Variants in MEMO1 observed in about 807,000 individuals in gnomAD.
The protein encoded by MEMO1 is mediator of cell motility 1.
In MEMO1, 6 loss-of-function variants were observed where a neutral mutation model predicts 45.2. The ratio of observed to expected loss-of-function variants is 0.13; its 90% CI spans 0.07 to 0.26. The LOEUF (loss-of-function observed/expected upper bound fraction) is 0.26, where lower values mean the gene tolerates loss of function less well. Ranked by LOEUF, MEMO1 falls within the 10% of genes least tolerant of loss-of-function variation. The pLI, the probability that MEMO1 is intolerant of heterozygous loss-of-function variation, is 1.00. For synonymous variants in MEMO1, 78 were observed against 124.3 expected (o/e 0.63, Z 2.48); for missense variants, 184 against 370.5 (o/e 0.50, Z 4.13).
chr2:31,873,399 A>G (rs1422352716), intron 8 of MEMO1, among the ~76,000 whole-genome samples: 1 of 152,146 alleles, frequency 6.6e-6, no homozygotes, highest in Non-Finnish European at 1.5e-5. Context: ...GAGCCAGTCT[A>G]TCATTGTGTT....
intron 6 of MEMO1, chr2:31,893,393 A>G: frequency 9.3e-7 from 1 of 1,069,966 alleles, no homozygotes; most frequent in Non-Finnish European, 1.2e-6. Context: ...AACTGTTACC[A>G]GTTTGCTAAA....
At chr2:31,978,231 A>G (rs556532841) in intron 2 of MEMO1, among the ~76,000 whole-genome samples, 1 of 152,192 alleles carries the variant, frequency 6.6e-6, no homozygotes, top group Non-Finnish European at 1.5e-5. Context: ...TACTAAAAAT[A>G]CAAAAATTAG....
intron 2 of MEMO1, among the ~76,000 whole-genome samples, chr2:31,967,009 T>G (rs1427870028): frequency 6.6e-6 from 1 of 152,276 alleles, no homozygotes; most frequent in South Asian, 2.1e-4. Context: ...AGGACAGAAA[T>G]AGTAATCCAT....
intron 2 of MEMO1, among the ~76,000 whole-genome samples, chr2:31,967,168 G>A (rs1558539807): frequency 1.3e-5 from 2 of 150,798 alleles, no homozygotes; most frequent in Admixed American, 1.3e-4. Flanking sequence ...TTGTTGCCCA[G>A]GCTGGAGTGC....
chr2:31,985,474 C>A (rs758971817), intron 2 of MEMO1, among the ~76,000 whole-genome samples: 1 of 152,052 alleles, frequency 6.6e-6, no homozygotes, highest in Admixed American at 6.5e-5. Context: ...TACAGGCGAG[C>A]GCCACCATGC....
At chr2:31,929,805 A>G (rs1683676744) in intron 4 of MEMO1, among the ~76,000 whole-genome samples, 1 of 152,224 alleles carries the variant, frequency 6.6e-6, no homozygotes, top group African/African-American at 2.4e-5. Flanking sequence ...TTCTCTAAGG[A>G]TGTTCTTCCT....
chr2:31,886,348 G>A (rs1676185752), intron 7 of MEMO1, among the ~76,000 whole-genome samples: 1 of 152,094 alleles, frequency 6.6e-6, no homozygotes, highest in Non-Finnish European at 1.5e-5. Context: ...TATACATACA[G>A]AAGGCATCTA....
At chr2:31,937,618 C>T (rs1264718573) in intron 3 of MEMO1, among the ~76,000 whole-genome samples, 1 of 152,110 alleles carries the variant, frequency 6.6e-6, no homozygotes, top group East Asian at 1.9e-4. Context: ...AAAAGTAACA[C>T]ATGCACACAG....
chr2:31,989,169 G>A (rs540488734), intron 2 of MEMO1, among the ~76,000 whole-genome samples: 12 of 151,682 alleles, frequency 7.9e-5, no homozygotes, highest in Non-Finnish European at 1.0e-4. Flanking sequence ...CAAAGGCTGC[G>A]GTGAGCCAAG....
intron 3 of MEMO1, among the ~76,000 whole-genome samples, chr2:31,940,445 C>T (rs1211112275): frequency 2.0e-5 from 3 of 152,218 alleles, no homozygotes; most frequent in Non-Finnish European, 4.4e-5. Context: ...CATACTTCCA[C>T]TTGTCTTCCC....
intron 8 of MEMO1, among the ~76,000 whole-genome samples, chr2:31,881,911 G>A (rs2147935647): frequency 6.6e-6 from 1 of 152,244 alleles, no homozygotes; most frequent in East Asian, 1.9e-4. Flanking sequence ...TTGAGAGGCT[G>A]AGGCTGGCAG....
chr2:31,998,419 G>A (rs1461366874), intron 2 of MEMO1, among the ~76,000 whole-genome samples: 1 of 152,120 alleles, frequency 6.6e-6, no homozygotes, highest in African/African-American at 2.4e-5. Flanking sequence ...ACCTCTTCAT[G>A]TTGGAATGTT....
intron 2 of MEMO1, among the ~76,000 whole-genome samples, chr2:31,956,358 TTTC>T (rs1225420028): frequency 2.0e-5 from 3 of 149,014 alleles, no homozygotes; most frequent in African/African-American, 7.5e-5. Context: ...AAAAAAGGAG[TTTC>T]TTAAGAGAAA....
intron 7 of MEMO1, 59 bp downstream of exon 7, chr2:31,891,933 G>C (rs1000807737): frequency 4.7e-6 from 7 of 1,478,932 alleles, no homozygotes; most frequent in Non-Finnish European, 6.4e-6. Flanking sequence ...AGAATGAAAA[G>C]ATACCTTTAA....
intron 6 of MEMO1, 105 bp from the exon 7 acceptor site, chr2:31,892,239 G>T: frequency 1.1e-6 from 1 of 921,858 alleles, no homozygotes; most frequent in Non-Finnish European, 1.6e-6. Flanking sequence ...TAGTGGTAAG[G>T]ATAACATATG....
chr2:31,964,289 G>A (rs1668358338), intron 2 of MEMO1, among the ~76,000 whole-genome samples: 3 of 151,838 alleles, frequency 2.0e-5, no homozygotes, highest in Admixed American at 1.3e-4. Context: ...GCAAGAAAAC[G>A]AGAAAGTGAG....
intron 6 of MEMO1, among the ~76,000 whole-genome samples, chr2:31,907,287 A>G (rs1375980767): frequency 6.6e-6 from 1 of 152,132 alleles, no homozygotes; most frequent in African/African-American, 2.4e-5. Flanking sequence ...TTATATTATA[A>G]TCATTTATAT....
chr2:31,937,107 A>G (rs1665005997), intron 3 of MEMO1, among the ~76,000 whole-genome samples: 1 of 152,182 alleles, frequency 6.6e-6, no homozygotes, highest in African/African-American at 2.4e-5. Flanking sequence ...GCCTCTCTCA[A>G]TTTAATTTTG....
intron 8 of MEMO1, among the ~76,000 whole-genome samples, chr2:31,874,687 A>T (rs531594985): frequency 1.3e-5 from 2 of 152,034 alleles, no homozygotes; most frequent in African/African-American, 4.8e-5. Flanking sequence ...TCCAAAATGT[A>T]TATTATTGGA....
Sources: allele counts gnomAD v4.1 joint callset (sites outside exome capture counted in the v4.1 genomes callset), GRCh38; gene constraint gnomAD v4.1.1; transcripts MANE v1.5; gene names NCBI Gene and HGNC (gene_info 2026-07-23, HGNC 2026-07-21).